The following STRN variants were observed in gnomAD, a reference collection of about 807,000 sequenced individuals.
STRN encodes striatin.
A neutral mutation model predicts 96.3 loss-of-function variants in STRN; 53 were observed. The ratio of observed to expected loss-of-function variants is 0.55; its 90% CI spans 0.44 to 0.69. The LOEUF is 0.69. Ranked by LOEUF, STRN falls within the 30% of genes least tolerant of loss-of-function variation. The probability of loss-of-function intolerance (pLI) is 0.00; values close to 1 mark genes in which losing one functional copy is unlikely to be tolerated. For missense variants in STRN, 987 were observed against 963.9 expected (o/e 1.02, Z -0.32); for synonymous variants, 428 against 355.9 (o/e 1.20, Z -2.28).
intron 2 of STRN, among the ~76,000 whole-genome samples, chr2:36,920,990 G>T (rs1365870179): frequency 6.6e-6 from 1 of 151,568 alleles, no homozygotes; most frequent in Non-Finnish European, 1.5e-5. Context: ...CAAGAGAATG[G>T]CTTGAACCCA....
intron 1 of STRN, among the ~76,000 whole-genome samples, chr2:36,930,880 A>T (rs1362806557): frequency 6.6e-6 from 1 of 151,894 alleles, no homozygotes; most frequent in African/African-American, 2.4e-5. Flanking sequence ...CTAAAAATAT[A>T]AAAAAATTAG....
At chr2:36,909,057 G>GA (rs763384770) in intron 3 of STRN, among the ~76,000 whole-genome samples, 29 of 151,262 alleles carry the variant, frequency 1.9e-4, no homozygotes, top group South Asian at 1.5e-3. Context: ...TAGGGAGGCT[G>GA]AGACAGGAGA....
chr2:36,929,056 G>A (rs1670498756), intron 1 of STRN, among the ~76,000 whole-genome samples: 1 of 151,846 alleles, frequency 6.6e-6, no homozygotes, highest in Non-Finnish European at 1.5e-5. Context: ...TACTTCTGGA[G>A]AAGAAAACTT....
In STRN at chr2:36,848,399, G is replaced by A. The variant is rs1435997726; in HGVS notation, c.*1057C>T. The A allele has an allele frequency of 6.6e-6, 1 of 152,076 alleles. No homozygotes were observed. The highest frequency in any genetic ancestry group is 1.5e-5 in the Non-Finnish European group (1 of 68,016). The allele number at this position is 152,076 out of a possible 1,614,324, so 9.4% of individuals were successfully genotyped here. ...CTGCGTGAAGTTAACCATACTCTTT[G>A]GGCTATTAATAATTATGAACTGTTC... On this transcript the variant is annotated 3_prime_UTR_variant, in exon 18 of 18. Transcript: ENST00000263918.
chr2:36,863,895 G>C (rs1364561558), intron 12 of STRN, among the ~76,000 whole-genome samples: 1 of 152,064 alleles, frequency 6.6e-6, no homozygotes. Context: ...TATATTCCTA[G>C]TTATTTTATC....
At chr2:36,851,130 C>A (rs1288626816) in intron 15 of STRN, 23 bp from the exon 16 acceptor site, 4 of 1,557,392 alleles carry the variant, frequency 2.6e-6, no homozygotes, top group East Asian at 4.5e-5. Context: ...AATTAAAAAG[C>A]AACACAACTT....
At position 36,902,488 on chromosome 2, in the gene STRN, A is replaced by G. The variant is rs569883687; in HGVS notation, c.659+96T>C. ...TTTTATTAAGTTATAAATTATTTCT[A>G]TGTCACTACCTAAAAGTACAAGTAA... is the stretch of plus-strand genomic sequence containing the variant. On this transcript the variant is annotated intron_variant, in intron 5 of 17. Coordinates refer to ENST00000263918, the MANE Select transcript of STRN (RefSeq NM_003162.4). The G allele has an allele frequency of 7.9e-4, 702 of 893,250 alleles. 2 individuals carry two copies. Among genetic ancestry groups the G allele is most frequent in the African/African-American group, 9.9e-4 (57 of 57,860 alleles). The allele number at this position is 893,250 out of a possible 1,614,324, so 55.3% of individuals were successfully genotyped here. A position where few individuals can be genotyped will look rare whatever the true frequency, so the allele number is the denominator to read the frequency against.
At chr2:36,894,689 A>G (rs1669492656) in intron 6 of STRN, among the ~76,000 whole-genome samples, 1 of 152,208 alleles carries the variant, frequency 6.6e-6, no homozygotes, top group Admixed American at 6.5e-5. Flanking sequence ...TCTAGACTTC[A>G]GCTTACTCAC....
At chr2:36,965,064 C>G (rs542248422) in intron 1 of STRN, among the ~76,000 whole-genome samples, 134 of 152,320 alleles carry the variant, frequency 8.8e-4, no homozygotes, top group Non-Finnish European at 1.4e-3. Flanking sequence ...TTCCACTACA[C>G]CAGAGCCTGT....
chr2:36,874,016 G>A (rs1156309369), intron 10 of STRN, among the ~76,000 whole-genome samples: 1 of 151,406 alleles, frequency 6.6e-6, no homozygotes, highest in Non-Finnish European at 1.5e-5. Context: ...AGCACTCTGG[G>A]AGGCTGAGGC....
intron 1 of STRN, among the ~76,000 whole-genome samples, chr2:36,941,046 A>C (rs1007799626): frequency 2.0e-5 from 3 of 152,008 alleles, no homozygotes; most frequent in African/African-American, 7.2e-5. Flanking sequence ...CCAGCTACTT[A>C]GGGAGGCTGA....
At chr2:36,954,397 A>G (rs1222642935) in intron 1 of STRN, among the ~76,000 whole-genome samples, 1 of 151,734 alleles carries the variant, frequency 6.6e-6, no homozygotes, top group Non-Finnish European at 1.5e-5. Flanking sequence ...CTGTAATCCC[A>G]ACTACTTGGG....
chr2:36,881,692 T>A (rs771179615), intron 9 of STRN, among the ~76,000 whole-genome samples: 1 of 152,218 alleles, frequency 6.6e-6, no homozygotes, highest in Non-Finnish European at 1.5e-5. Context: ...ATGTTTTTTA[T>A]CAAGGACATC....
intron 1 of STRN, among the ~76,000 whole-genome samples, chr2:36,929,375 G>GC (rs573820204): frequency 4.0e-4 from 60 of 151,146 alleles, no homozygotes; most frequent in African/African-American, 1.4e-3. Flanking sequence ...ATTTATTAAA[G>GC]CCCCCCCACC....
intron 8 of STRN, among the ~76,000 whole-genome samples, chr2:36,885,913 C>T (rs1308670371): frequency 6.6e-6 from 1 of 152,008 alleles, no homozygotes; most frequent in African/African-American, 2.4e-5. Flanking sequence ...AGGGTAGAAA[C>T]ACAAGGAGGT....
rs773425022 is a variant in STRN, at chr2:36,851,030, T to C, written c.2056A>G (p.Arg686Gly). ...LPISITAHED[R>G]HIKFYDNNTG... Reference sequence around the variant, plus strand: ...TTGTTATCATAGAATTTGATGTGCCTGTCTTCATGAGCAGTGATGCTGATC... The same window carrying C: ...TTGTTATCATAGAATTTGATGTGCCCGTCTTCATGAGCAGTGATGCTGATC... Residue 686 changes from arginine to glycine, a missense_variant, in exon 16 of 18, where the codon AGG becomes GGG. By Grantham distance (125) the Arg-to-Gly change is moderately radical. Transcript: ENST00000263918. The C allele has an allele frequency of 6.2e-7, 1 of 1,613,018 alleles. No individual in the cohort carries two copies. The highest frequency in any genetic ancestry group is 8.5e-7 in the Non-Finnish European group (1 of 1,179,386).
At chr2:36,853,647 G>A (rs1003594764) in intron 15 of STRN, among the ~76,000 whole-genome samples, 1 of 152,110 alleles carries the variant, frequency 6.6e-6, no homozygotes, top group Non-Finnish European at 1.5e-5. Context: ...GAGAAGAAGG[G>A]TAATTTATTC....
intron 1 of STRN, among the ~76,000 whole-genome samples, chr2:36,948,707 A>G (rs1349889564): frequency 6.6e-6 from 1 of 152,218 alleles, no homozygotes; most frequent in East Asian, 1.9e-4. Flanking sequence ...CAGATTTATA[A>G]GAAGCAAGTA....
chr2:36,933,539 A>G (rs1214940537), intron 1 of STRN, among the ~76,000 whole-genome samples: 1 of 152,234 alleles, frequency 6.6e-6, no homozygotes, highest in African/African-American at 2.4e-5. Context: ...AGAGCTACCC[A>G]GAAGATACTT....
Sources: gnomAD v4.1 joint callset for allele counts (sites outside exome capture counted in the v4.1 genomes callset) on GRCh38, gnomAD v4.1.1 for gene constraint, MANE v1.5 for transcripts, NCBI Gene and HGNC (gene_info 2026-07-23, HGNC 2026-07-21) for gene names.